The following HKDC1 variants were observed in gnomAD, a reference collection of about 807,000 sequenced individuals.
HKDC1 encodes the protein hexokinase domain containing 1.
In HKDC1, 66 loss-of-function variants were observed where a neutral mutation model predicts 96.6. The observed-to-expected ratio is 0.68, with a 90% CI of 0.56 to 0.84. HKDC1 has a LOEUF of 0.84. Among genes scored for constraint, HKDC1 ranks in the 40% least tolerant of loss-of-function variants. The probability of loss-of-function intolerance (pLI) is 0.00; values close to 1 mark genes in which losing one functional copy is unlikely to be tolerated. For synonymous variants in HKDC1, 466 were observed against 473.1 expected, an observed-to-expected ratio of 0.98 and a Z score of 0.20; for missense variants, 1,211 against 1,208.1, an observed-to-expected ratio of 1.00 and a Z score of -0.04.
Position 69,261,240 on chromosome 10 carries a change from A to G in HKDC1, c.2318A>G (p.Glu773Gly). 1.2e-6 allele frequency: 2 copies of G among 1,614,166 alleles called. No individual in the cohort carries two copies. Among genetic ancestry groups the G allele is most frequent in the Non-Finnish European group, 1.7e-6 (2 of 1,180,020 alleles). Reference protein sequence around the residue: ...QGLLFRGQISERLRTRGIFET... With the variant: ...QGLLFRGQISGRLRTRGIFET... ...CTCCTCTTCCGAGGGCAGATTTCAG[A>G]GCGTCTCCGGACCAGGGGCATCTTC... The change falls in exon 16 of 18, where the codon GAG (glutamate) becomes GGG (glycine). Residue 773 changes from glutamate to glycine, a missense_variant. Glu to Gly is a moderately conservative substitution (Grantham distance 98). Coordinates refer to ENST00000354624, the MANE Select transcript of HKDC1 (RefSeq NM_025130.4).
At chr10:69,242,804 A>G (rs1297835112) in intron 6 of HKDC1, among the ~76,000 whole-genome samples, 1 of 152,264 alleles carries the variant, frequency 6.6e-6, no homozygotes, top group Admixed American at 6.5e-5. Context: ...GAAGCTAAGT[A>G]GCTTAAGGAA....
chr10:69,247,732 G>A, intron 9 of HKDC1, 139 bp downstream of exon 9: 2 of 677,514 alleles, frequency 3.0e-6, no homozygotes, highest in Non-Finnish European at 5.0e-6. Context: ...AAGGGAAAAG[G>A]TGAATCCAGG....
At chr10:69,243,743 C>T (rs552756719) in intron 7 of HKDC1, among the ~76,000 whole-genome samples, 1 of 152,254 alleles carries the variant, frequency 6.6e-6, no homozygotes, top group African/African-American at 2.4e-5. Context: ...GCAATCCTCC[C>T]GCCTCAGCCT....
intron 12 of HKDC1, among the ~76,000 whole-genome samples, chr10:69,253,235 C>T (rs563041397): frequency 5.3e-5 from 8 of 152,184 alleles, no homozygotes; most frequent in Admixed American, 6.5e-5. Flanking sequence ...CATGGGGCCT[C>T]GGCCTGGAGC....
At chr10:69,226,356 G>C (rs1211144137) in intron 1 of HKDC1, among the ~76,000 whole-genome samples, 1 of 152,126 alleles carries the variant, frequency 6.6e-6, no homozygotes, top group Non-Finnish European at 1.5e-5. Flanking sequence ...AACCAAAATG[G>C]ACATTTATGG....
intron 6 of HKDC1, 86 bp downstream of exon 6, chr10:69,240,837 C>T (rs534194527): frequency 6.2e-5 from 58 of 936,708 alleles, no homozygotes; most frequent in Middle Eastern, 2.2e-4. Context: ...GTGAATTCGG[C>T]GGGAAGGGCA....
intron 12 of HKDC1, among the ~76,000 whole-genome samples, chr10:69,251,094 T>C (rs1035625572): frequency 1.4e-5 from 2 of 145,908 alleles, no homozygotes; most frequent in African/African-American, 5.0e-5. Context: ...TTTCTTTTTT[T>C]TTTTTTTTTT....
chr10:69,249,300 A>G (rs1369437000), intron 10 of HKDC1, among the ~76,000 whole-genome samples: 1 of 152,220 alleles, frequency 6.6e-6, no homozygotes, highest in Non-Finnish European at 1.5e-5. Context: ...AATGCTTTAC[A>G]TCTTATAATT....
chr10:69,260,010 T>C (rs528467750), intron 15 of HKDC1, among the ~76,000 whole-genome samples: 2 of 152,240 alleles, frequency 1.3e-5, no homozygotes, highest in African/African-American at 4.8e-5. Context: ...ACACTTATTC[T>C]GTAAAAGAAC....
In HKDC1 at chr10:69,255,594, A is replaced by G. The variant is rs577434314; in HGVS notation, c.1837-1442A>G. Among the ~76,000 whole-genome samples, 8 of 152,242 alleles carry G rather than the reference A, an allele frequency of 5.3e-5. No homozygotes were observed. In the South Asian group the frequency reaches 1.7e-3, roughly 32 times the overall value. On this transcript the variant is annotated intron_variant, in intron 12 of 17. Coordinates refer to ENST00000354624, the MANE Select transcript of HKDC1 (RefSeq NM_025130.4). Reference sequence around the variant, plus strand: ...AACTCCTGCCTCAGGCTAACAATGTAACTTTGGGCTTCCTTTTGAGAATTA... The same window carrying G: ...AACTCCTGCCTCAGGCTAACAATGTGACTTTGGGCTTCCTTTTGAGAATTA...
At chr10:69,234,171 A>G (rs2132342050) in intron 4 of HKDC1, among the ~76,000 whole-genome samples, 1 of 152,134 alleles carries the variant, frequency 6.6e-6, no homozygotes, top group East Asian at 1.9e-4. Flanking sequence ...TGGGTTGGGG[A>G]CCCTGATCAA....
At chr10:69,262,466 G>A (rs1843824871) in intron 16 of HKDC1, among the ~76,000 whole-genome samples, 1 of 151,700 alleles carries the variant, frequency 6.6e-6, no homozygotes, top group South Asian at 2.1e-4. Flanking sequence ...ATGTACAAAT[G>A]TGTCAGTTTC....
chr10:69,236,360 A>G (rs558866646), intron 4 of HKDC1, among the ~76,000 whole-genome samples: 29 of 151,884 alleles, frequency 1.9e-4, no homozygotes, highest in African/African-American at 7.0e-4. Flanking sequence ...CTCCCGCCTC[A>G]GCCTCCCAAA....
Position 69,248,652 on chromosome 10 carries a change from G to A in HKDC1, c.1494G>A (p.Gly498=). Residue 498 remains glycine (G), a synonymous_variant, in exon 10 of 18, where the codon GGG becomes GGA. Coordinates refer to ENST00000354624, the MANE Select transcript of HKDC1 (RefSeq NM_025130.4). ...AGATGCGGGCTGAGCTGGAGTATGGGCTGAAGAAGAAGAGCCACGGGCTGG... is the reference window on the plus strand; with the variant it reads ...AGATGCGGGCTGAGCTGGAGTATGGACTGAAGAAGAAGAGCCACGGGCTGG... ...QAKMRAELEY[G]LKKKSHGLAT... 1 of 1,614,186 alleles carries A rather than the reference G, an allele frequency of 6.2e-7. No homozygotes were observed. Among genetic ancestry groups the A allele is most frequent in the Non-Finnish European group, 8.5e-7 (1 of 1,180,034 alleles).
chr10:69,233,897 CAAA>C (rs1442651608), intron 4 of HKDC1, among the ~76,000 whole-genome samples: 1 of 61,488 alleles, frequency 1.6e-5, no homozygotes, highest in African/African-American at 7.3e-5. Flanking sequence ...GACTCCGTCT[CAAA>C]AAAAAAAAAA....
In HKDC1 at chr10:69,250,632, A is replaced by G. The variant is rs1409532587; in HGVS notation, c.1816A>G (p.Arg606Gly). The change falls in exon 12 of 18, where the codon AGG becomes GGG. Residue 606 changes from arginine (R) to glycine (G), a missense_variant. Transcript: ENST00000354624. ...GGGCTTCACATTCTCATTTCCCTGC[A>G]GGCAGATGAGCATTGACAAGGTAAG... ...PLGFTFSFPC[R>G]QMSIDKGTLI... 6.2e-7 allele frequency: 1 copy of G among 1,613,948 alleles called. No individual in the cohort carries two copies. The highest frequency in any genetic ancestry group is 1.1e-5 in the South Asian group (1 of 91,088).
rs775850493 is a variant in HKDC1, at chr10:69,233,143, G to A, written c.495+10G>A. 29 of 1,613,480 alleles carry A rather than the reference G, an allele frequency of 1.8e-5. No homozygotes were observed. The highest frequency in any genetic ancestry group is 2.2e-5 in the Non-Finnish European group (26 of 1,179,942). On this transcript the variant is annotated intron_variant, in intron 4 of 17. Transcript: ENST00000354624. ...GACTAAACTGGAAGAGGTAAGGCGC[G>A]GAGGGAAGCAGCAGTGCAGGAATTG... is the stretch of plus-strand genomic sequence containing the variant.
In HKDC1 at chr10:69,247,415, C is replaced by T. The variant is rs1334323154; in HGVS notation, c.1087C>T (p.Pro363Ser). Residue 363 changes from proline (P) to serine (S), a missense_variant, in exon 9 of 18, where the codon CCG becomes TCG. Physicochemically the swap from Pro to Ser is moderately conservative, Grantham distance 74 (BLOSUM62 -1). Transcript: ENST00000354624. ...GATCCTGGTGGACCTGGGTCTGGAA[C>T]CGTCTGAGGCTGACTGCATTGCCGT... ...REILVDLGLE[P>S]SEADCIAVQH... is the part of the protein sequence containing the mutation. The T allele has an allele frequency of 2.5e-6, 4 of 1,613,902 alleles. No individual in the cohort carries two copies. The highest frequency in any genetic ancestry group is 1.7e-5 in the Admixed American group (1 of 59,984).
At chr10:69,237,277 TTGTGTGTGTGTGTGTGTGTGTG>T (rs71035080) in intron 4 of HKDC1, among the ~76,000 whole-genome samples, 9 of 145,692 alleles carry the variant, frequency 6.2e-5, no homozygotes, top group African/African-American at 2.0e-4. Context: ...AGAAATTTCT[TTGTGTGTGTGTGTGTGTGTGTG>T]TGTGTGTGTG....
Sources: allele counts gnomAD v4.1 joint callset (sites outside exome capture counted in the v4.1 genomes callset), GRCh38; gene constraint gnomAD v4.1.1; transcripts MANE v1.5; gene names NCBI Gene and HGNC (gene_info 2026-07-23, HGNC 2026-07-21).